MAF: variants seen among roughly 807,000 people sequenced by gnomAD.
MAF encodes transcription factor Maf.
In MAF, 10 loss-of-function variants were observed where a neutral mutation model predicts 22.0. The observed-to-expected ratio is 0.45, with a 90% CI of 0.28 to 0.77. MAF has a LOEUF of 0.77. Ranked by LOEUF, MAF falls within the 30% of genes least tolerant of loss-of-function variation. The pLI is 0.12. For missense variants in MAF, 544 were observed against 548.4 expected (o/e 0.99, Z 0.08); for synonymous variants, 337 against 255.8 (o/e 1.32, Z -3.03).
At chr16:79,585,645 T>G (rs1013548451), downstream of MAF, among the ~76,000 whole-genome samples, 11 of 152,096 alleles carry the variant, frequency 7.2e-5, no homozygotes, top group African/African-American at 2.7e-4. Flanking sequence ...AAAAAATAAA[T>G]GCATGCTGAT....
the MAF span, among the ~76,000 whole-genome samples, chr16:79,436,060 G>C: frequency 1.3e-5 from 2 of 152,202 alleles, no homozygotes; most frequent in African/African-American, 4.8e-5. Context: ...AGCAAAGTCT[G>C]TGAGAAATGA....
At chr16:79,341,451 C>T in the MAF span, among the ~76,000 whole-genome samples, 1 of 152,164 alleles carries the variant, frequency 6.6e-6, no homozygotes, top group Non-Finnish European at 1.5e-5. Context: ...CAACTCACAC[C>T]TCTTTGGTAT....
the MAF span, among the ~76,000 whole-genome samples, chr16:79,502,915 T>C: frequency 6.6e-6 from 1 of 151,172 alleles, no homozygotes; most frequent in Non-Finnish European, 1.5e-5. Context: ...CATCAAACAG[T>C]ACACTAAAAC....
At chr16:79,236,316 G>T in the MAF span, among the ~76,000 whole-genome samples, 1 of 151,752 alleles carries the variant, frequency 6.6e-6, no homozygotes, top group Non-Finnish European at 1.5e-5. Context: ...TCTACCTGGG[G>T]TCTCCTTTCC....
At chr16:79,353,733 C>G in the MAF span, among the ~76,000 whole-genome samples, 1 of 152,114 alleles carries the variant, frequency 6.6e-6, no homozygotes, top group Non-Finnish European at 1.5e-5. Flanking sequence ...TAATAGTATA[C>G]AGTCTGCAGC....
At chr16:79,578,741 A>C in the MAF span, among the ~76,000 whole-genome samples, 1 of 152,218 alleles carries the variant, frequency 6.6e-6, no homozygotes, top group African/African-American at 2.4e-5. Flanking sequence ...TATTAATCGC[A>C]AATTACTTTT....
the MAF span, among the ~76,000 whole-genome samples, chr16:79,252,741 C>G: frequency 8.9e-4 from 135 of 152,292 alleles, no homozygotes; most frequent in African/African-American, 3.1e-3. Flanking sequence ...CCGCCCGCCT[C>G]AGGCTCCCAA....
chr16:79,419,594 G>A, the MAF span, among the ~76,000 whole-genome samples: 1 of 152,144 alleles, frequency 6.6e-6, no homozygotes, highest in Non-Finnish European at 1.5e-5. Flanking sequence ...TTCCATGTCT[G>A]TTCTGGAAAA....
the MAF span, among the ~76,000 whole-genome samples, chr16:79,474,714 G>A: frequency 6.6e-6 from 1 of 151,750 alleles, no homozygotes; most frequent in African/African-American, 2.4e-5. Context: ...ATTTTTTGCT[G>A]GTGAAGGAGG....
At chr16:79,457,823 G>A in the MAF span, among the ~76,000 whole-genome samples, 2 of 152,030 alleles carry the variant, frequency 1.3e-5, no homozygotes, top group Non-Finnish European at 2.9e-5. Flanking sequence ...GACCTGAAAT[G>A]CCATCGCAAT....
chr16:79,364,910 G>T, the MAF span, among the ~76,000 whole-genome samples: 1 of 152,186 alleles, frequency 6.6e-6, no homozygotes, highest in Non-Finnish European at 1.5e-5. Flanking sequence ...GTTTATTTGA[G>T]CATTCAGTGA....
downstream of MAF, among the ~76,000 whole-genome samples, chr16:79,583,667 C>A (rs1187570738): frequency 6.6e-6 from 1 of 152,238 alleles, no homozygotes; most frequent in Non-Finnish European, 1.5e-5. Context: ...GCCAACTCTC[C>A]ACTTTGGTGC....
the MAF span, among the ~76,000 whole-genome samples, chr16:79,270,851 T>C: frequency 3.3e-5 from 5 of 150,766 alleles, no homozygotes; most frequent in African/African-American, 7.3e-5. Context: ...ACAGAGACAC[T>C]CATACACACT....
the MAF span, among the ~76,000 whole-genome samples, chr16:79,380,384 T>C: frequency 6.6e-6 from 1 of 152,230 alleles, no homozygotes; most frequent in Non-Finnish European, 1.5e-5. Flanking sequence ...TAGTAGCATG[T>C]GCTGAATGCT....
the MAF span, among the ~76,000 whole-genome samples, chr16:79,523,111 C>G: frequency 6.6e-6 from 1 of 152,154 alleles, no homozygotes; most frequent in African/African-American, 2.4e-5. Flanking sequence ...CCATCTTGAG[C>G]TTTTTCTGAT....
the MAF span, among the ~76,000 whole-genome samples, chr16:79,460,310 G>A: frequency 1.3e-5 from 2 of 152,144 alleles, no homozygotes; most frequent in African/African-American, 2.4e-5. Context: ...TCTCATGTAC[G>A]TTTGTCTATA....
chr16:79,338,123 G>A, the MAF span, among the ~76,000 whole-genome samples: 14 of 152,204 alleles, frequency 9.2e-5, no homozygotes, highest in Non-Finnish European at 1.5e-4. Context: ...GTCTAGTGGT[G>A]TAGTCTTCAG....
intron 1 of MAF, chr16:79,595,225 A>G: frequency 9.6e-7 from 1 of 1,045,004 alleles, no homozygotes; most frequent in Non-Finnish European, 1.2e-6. Context: ...AGCAAAATTA[A>G]GTGTGGATTC....
chr16:79,367,147 C>T, the MAF span, among the ~76,000 whole-genome samples: 13 of 152,178 alleles, frequency 8.5e-5, no homozygotes, highest in African/African-American at 1.4e-4. Flanking sequence ...GGAAATCTTC[C>T]GTACTTTGAA....
Sources: allele counts gnomAD v4.1 joint callset (sites outside exome capture counted in the v4.1 genomes callset), GRCh38; gene constraint gnomAD v4.1.1; transcripts MANE v1.5; gene names NCBI Gene and HGNC (gene_info 2026-07-23, HGNC 2026-07-21).